Variants in SEMA4B observed in about 807,000 individuals in gnomAD.
SEMA4B encodes the protein semaphorin 4B.
SEMA4B carries 55 observed loss-of-function variants against 88.1 expected under a neutral mutation model. The observed-to-expected ratio is 0.62, with a 90% CI of 0.50 to 0.78. The LOEUF (loss-of-function observed/expected upper bound fraction) is 0.78. SEMA4B is among the 30% of genes least tolerant of loss of function. The pLI is 0.00. For missense variants in SEMA4B, 1,062 were observed against 1,111.9 expected (o/e 0.96, Z 0.64); for synonymous variants, 525 against 473.6 (o/e 1.11, Z -1.41).
Position 90,221,059 on chromosome 15 carries a change from C to T in SEMA4B, c.561C>T (p.Phe187=), listed in dbSNP as rs534249755. Residue 187 remains phenylalanine, a synonymous_variant, in exon 5 of 14, where the codon TTC becomes TTT. Coordinates refer to ENST00000411539, the MANE Select transcript of SEMA4B (RefSeq NM_198925.4). ...AAGATGGCAAGGGCCGTTGTCCCTT[C>T]GACCCGAATTTCAAGTCCACTGCCC... ...LLEDGKGRCP[F]DPNFKSTALV... The T allele has an allele frequency of 1.9e-5, 30 of 1,609,806 alleles. No homozygotes were observed. Among genetic ancestry groups the T allele is most frequent in the Admixed American group, 5.0e-5 (3 of 59,464 alleles).
chr15:90,203,451 A>G (rs1359985611), intron 1 of SEMA4B, among the ~76,000 whole-genome samples: 1 of 152,204 alleles, frequency 6.6e-6, no homozygotes, highest in Non-Finnish European at 1.5e-5. Context: ...TCATGGGACC[A>G]TGTCAAAAGA....
chr15:90,221,291 G>C, intron 5 of SEMA4B, 76 bp from the exon 6 acceptor site: 2 of 1,328,158 alleles, frequency 1.5e-6, no homozygotes, highest in Non-Finnish European at 2.1e-6. Flanking sequence ...GGCAGTGCTG[G>C]GGTCACTCTG....
intron 1 of SEMA4B, among the ~76,000 whole-genome samples, chr15:90,194,304 G>A (rs1852070485): frequency 6.6e-6 from 1 of 152,034 alleles, no homozygotes; most frequent in Non-Finnish European, 1.5e-5. Context: ...GGCCAAGGCA[G>A]GTGGCTCACC....
intron 1 of SEMA4B, among the ~76,000 whole-genome samples, chr15:90,189,985 A>G (rs1450900662): frequency 1.3e-5 from 2 of 152,204 alleles, no homozygotes; most frequent in Non-Finnish European, 2.9e-5. Context: ...AAACCAAAAG[A>G]TGAGACGGCT....
chr15:90,214,573 C>T (rs1041996893), intron 1 of SEMA4B, among the ~76,000 whole-genome samples: 5 of 131,364 alleles, frequency 3.8e-5, no homozygotes, highest in Non-Finnish European at 6.1e-5. Context: ...GCGGAGGTTG[C>T]GGTGAGCCAA....
chr15:90,190,293 G>A (rs1272480912), intron 1 of SEMA4B: 1 of 152,284 alleles, frequency 6.6e-6, no homozygotes, highest in Non-Finnish European at 1.5e-5. Context: ...GCATTCCTCA[G>A]AACCTCCACC....
At chr15:90,215,724 A>G (rs1439435620) in intron 1 of SEMA4B, among the ~76,000 whole-genome samples, 2 of 152,136 alleles carry the variant, frequency 1.3e-5, no homozygotes, top group Non-Finnish European at 2.9e-5. Context: ...AGGCAGAAGA[A>G]TTGCTCGAAC....
intron 1 of SEMA4B, 118 bp downstream of exon 1, chr15:90,201,853 C>G: frequency 1.0e-6 from 1 of 971,402 alleles, no homozygotes. Context: ...GGCACGGGAT[C>G]CATTAGGACC....
chr15:90,213,489 C>T (rs1204894811), intron 1 of SEMA4B, among the ~76,000 whole-genome samples: 3 of 152,218 alleles, frequency 2.0e-5, no homozygotes, highest in East Asian at 1.9e-4. Context: ...GTGGCTGGCT[C>T]GTTTGGAGGC....
chr15:90,192,183 G>C (rs922780826), intron 1 of SEMA4B, among the ~76,000 whole-genome samples: 3 of 152,230 alleles, frequency 2.0e-5, no homozygotes, highest in African/African-American at 7.2e-5. Context: ...GCTACCCCAG[G>C]AGGGGGCGGG....
chr15:90,225,557 C>T (rs1962119603), intron 11 of SEMA4B, 104 bp from the exon 12 acceptor site: 4 of 1,374,030 alleles, frequency 2.9e-6, no homozygotes, highest in Non-Finnish European at 4.0e-6. Flanking sequence ...TGTTACGTAA[C>T]AGGCCTCTTG....
chr15:90,226,495 C>T (rs1475955636), intron 12 of SEMA4B, among the ~76,000 whole-genome samples: 2 of 152,180 alleles, frequency 1.3e-5, no homozygotes, highest in Admixed American at 6.5e-5. Flanking sequence ...TGCCCGCCAC[C>T]ATGCCCAGCT....
intron 3 of SEMA4B, among the ~76,000 whole-genome samples, chr15:90,218,519 G>T (rs1188627658): frequency 1.3e-5 from 2 of 152,206 alleles, no homozygotes; most frequent in Admixed American, 6.5e-5. Context: ...TTGGCACAGT[G>T]GCTCACGCCT....
chr15:90,186,659 C>A (rs1450012606), intron 1 of SEMA4B, among the ~76,000 whole-genome samples: 1 of 151,810 alleles, frequency 6.6e-6, no homozygotes, highest in East Asian at 1.9e-4. Context: ...AAATAAAGGC[C>A]AGGCACGGTG....
At chr15:90,217,361 A>G (rs776617967) in intron 1 of SEMA4B, 78 bp from the exon 2 acceptor site, 29 of 1,427,730 alleles carry the variant, frequency 2.0e-5, no homozygotes, top group Non-Finnish European at 2.7e-5. Flanking sequence ...CCTTTAAACC[A>G]GTCCATCTAA....
At chr15:90,194,121 AGATT>A (rs1960428550) in intron 1 of SEMA4B, among the ~76,000 whole-genome samples, 1 of 152,148 alleles carries the variant, frequency 6.6e-6, no homozygotes, top group Non-Finnish European at 1.5e-5. Context: ...TAAAGTGCTC[AGATT>A]ACGGGCAATG....
intron 7 of SEMA4B, among the ~76,000 whole-genome samples, chr15:90,222,460 C>T (rs547572550): frequency 6.6e-6 from 1 of 151,762 alleles, no homozygotes; most frequent in South Asian, 2.1e-4. Flanking sequence ...ATCCTAGCTA[C>T]TCAGGAGGCT....
chr15:90,201,600 C>T lies in SEMA4B; in HGVS notation c.22C>T (p.Leu8=), dbSNP rs892683870. Residue 8 remains leucine, a synonymous_variant, in exon 1 of 14, where the codon CTG becomes TTG. Transcript: ENST00000411539. MLRTAMG[L]RSWLAAPWGA... ...CCGAATGCTGCGCACCGCGATGGGC[C>T]TGAGGAGCTGGCTCGCCGCCCCATG... 2.5e-5 allele frequency: 38 copies of T among 1,517,288 alleles called. No homozygotes were observed. Among genetic ancestry groups the T allele is most frequent in the Admixed American group, 6.0e-5 (3 of 50,342 alleles). The allele number at this position is 1,517,288 out of a possible 1,614,324, so 94.0% of individuals were successfully genotyped here.
At chr15:90,222,713 C>T (rs573282659) in intron 7 of SEMA4B, among the ~76,000 whole-genome samples, 1 of 152,214 alleles carries the variant, frequency 6.6e-6, no homozygotes, top group South Asian at 2.1e-4. Flanking sequence ...TTGGGCAAGT[C>T]CCTCACCCCC....
Sources: allele counts gnomAD v4.1 joint callset (sites outside exome capture counted in the v4.1 genomes callset), GRCh38; gene constraint gnomAD v4.1.1; transcripts MANE v1.5; gene names NCBI Gene and HGNC (gene_info 2026-07-23, HGNC 2026-07-21).